The following PTPRD variants were observed in gnomAD, a reference collection of about 807,000 sequenced individuals.
PTPRD encodes protein tyrosine phosphatase receptor type D.
A neutral mutation model predicts 214.5 loss-of-function variants in PTPRD; 34 were observed. The ratio of observed to expected loss-of-function variants is 0.16; its 90% CI spans 0.12 to 0.21. The LOEUF is 0.21. Among genes scored for constraint, PTPRD ranks in the 10% least tolerant of loss-of-function variants. The probability of loss-of-function intolerance (pLI) is 1.00; values close to 1 mark genes in which losing one functional copy is unlikely to be tolerated. For synonymous variants in PTPRD, 1,128 were observed against 845.7 expected (o/e 1.33, Z -5.79); for missense variants, 2,545 against 2,398.7 (o/e 1.06, Z -1.27).
chr9:10,175,337 C>T (rs911961815), intron 3 of PTPRD, among the ~76,000 whole-genome samples: 1 of 152,002 alleles, frequency 6.6e-6, no homozygotes, highest in African/African-American at 2.4e-5. Context: ...ATCTGGCTTA[C>T]CCATGGTTCT....
At chr9:10,428,009 A>G (rs949147778) in intron 2 of PTPRD, among the ~76,000 whole-genome samples, 51 of 152,092 alleles carry the variant, frequency 3.4e-4, no homozygotes, top group Admixed American at 3.3e-3. Context: ...AATAAATACA[A>G]TTTAAACCTC....
chr9:10,329,459 T>C (rs2096709385), intron 3 of PTPRD, among the ~76,000 whole-genome samples: 1 of 151,866 alleles, frequency 6.6e-6, no homozygotes, highest in Non-Finnish European at 1.5e-5. Flanking sequence ...TGTCATGTCA[T>C]TGGATAGCAT....
chr9:8,541,516 C>T (rs2078409382), intron 14 of PTPRD, among the ~76,000 whole-genome samples: 1 of 152,156 alleles, frequency 6.6e-6, no homozygotes, highest in African/African-American at 2.4e-5. Context: ...AAGCACATAC[C>T]ACCATACCCG....
chr9:10,313,913 C>T (rs1234767133), intron 3 of PTPRD, among the ~76,000 whole-genome samples: 2 of 151,764 alleles, frequency 1.3e-5, no homozygotes, highest in African/African-American at 2.4e-5. Flanking sequence ...GGAAAAGTCT[C>T]ACGGTTCAGA....
At chr9:9,794,695 C>T (rs368514527) in intron 5 of PTPRD, among the ~76,000 whole-genome samples, 1 of 152,120 alleles carries the variant, frequency 6.6e-6, no homozygotes, top group East Asian at 1.9e-4. Flanking sequence ...ACTATGTTCT[C>T]AATTTTACAG....
At chr9:9,154,874 A>G (rs1569555408) in intron 10 of PTPRD, among the ~76,000 whole-genome samples, 1 of 152,092 alleles carries the variant, frequency 6.6e-6, no homozygotes, top group Non-Finnish European at 1.5e-5. Context: ...AGTAAAAAAT[A>G]TTATTAGGTA....
At chr9:8,334,378 A>C (rs1587921314) in intron 43 of PTPRD, among the ~76,000 whole-genome samples, 1 of 151,768 alleles carries the variant, frequency 6.6e-6, no homozygotes, top group Non-Finnish European at 1.5e-5. Context: ...CAAGATTAAA[A>C]AAAAAACCAC....
rs2041035551 is a variant in PTPRD at position 9,328,617 on chromosome 9, GCTTTTTTTTTTTTTTT to G, written c.-203+68816_-203+68831del. Among the ~76,000 whole-genome samples, 2 of 33,928 alleles carry G rather than the reference GCTTTTTTTTTTTTTTT, an allele frequency of 5.9e-5. 1 individual carries two copies. Among genetic ancestry groups the G allele is most frequent in the African/African-American group, 2.0e-4 (2 of 10,034 alleles). The allele number at this position is 33,928 out of a possible 152,430, so 22.3% of individuals were successfully genotyped here. A position where few individuals can be genotyped will look rare whatever the true frequency, so the allele number is the denominator to read the frequency against. On this transcript the variant is annotated intron_variant, in intron 9 of 45. Coordinates refer to ENST00000381196, the MANE Select transcript of PTPRD (RefSeq NM_002839.4). The stretch of plus-strand genomic sequence containing the variant: ...CACATTTTCTTTTGTTGTTGTTCTT[GCTTTTTTTTTTTTTTT>G]TTTTTTTTTTTTTTTTTTTTTTGAG...
At chr9:8,833,120 G>A (rs1446848872) in intron 11 of PTPRD, among the ~76,000 whole-genome samples, 1 of 152,126 alleles carries the variant, frequency 6.6e-6, no homozygotes, top group Non-Finnish European at 1.5e-5. Context: ...CAGCAACAGT[G>A]CTTACAGAGA....
intron 11 of PTPRD, among the ~76,000 whole-genome samples, chr9:8,970,728 TA>T (rs1156917567): frequency 5.9e-5 from 9 of 151,826 alleles, no homozygotes; most frequent in Non-Finnish European, 2.9e-5. Context: ...AAAACCAACC[TA>T]ACAAACAGAA....
intron 5 of PTPRD, among the ~76,000 whole-genome samples, chr9:9,921,046 G>A: frequency 6.6e-6 from 1 of 152,004 alleles, no homozygotes; most frequent in East Asian, 1.9e-4. Context: ...TTTAGCTCCT[G>A]GCAAAGGACA....
chr9:9,517,520 T>G lies in PTPRD; in HGVS notation c.-237+57212A>C, dbSNP rs1242321050. 2.0e-5 allele frequency among the ~76,000 whole-genome samples: 3 copies of G among 152,046 alleles called. No homozygotes were observed. In the East Asian group the frequency reaches 5.8e-4, roughly 29 times the overall value. On this transcript the variant is annotated intron_variant, in intron 8 of 45. Coordinates refer to ENST00000381196, the MANE Select transcript of PTPRD (RefSeq NM_002839.4). ...CCTCCAGCTTTCTTATCCTCTGCAC[T>G]AATAAATAAACAGTTAATGTTTCTT...
At chr9:9,106,662 G>A (rs1175997907) in intron 10 of PTPRD, among the ~76,000 whole-genome samples, 1 of 141,938 alleles carries the variant, frequency 7.0e-6, no homozygotes, top group Non-Finnish European at 1.5e-5. Context: ...TCCTACCTAA[G>A]TTTAATAGGT....
chr9:9,543,092 A>G (rs1218824225), intron 8 of PTPRD, among the ~76,000 whole-genome samples: 2 of 151,740 alleles, frequency 1.3e-5, no homozygotes, highest in African/African-American at 2.4e-5. Context: ...AAATTGTGGT[A>G]TATTCATACA....
chr9:9,368,748 A>G lies in PTPRD; in HGVS notation c.-203+28701T>C, dbSNP rs367990009. ...GTATTACAAACAAATGCTGCAATGG[A>G]TATCTTTTTTTAAATTTTATTATTA... On this transcript the variant is annotated intron_variant, in intron 9 of 45. Transcript: ENST00000381196. Among the ~76,000 whole-genome samples, 167 of 151,868 alleles carry G rather than the reference A, an allele frequency of 1.1e-3. 3 individuals are homozygous for G. In the South Asian group the frequency reaches 0.033, roughly 30 times the overall value.
chr9:8,694,461 A>G (rs2097866256), intron 12 of PTPRD, among the ~76,000 whole-genome samples: 1 of 152,214 alleles, frequency 6.6e-6, no homozygotes. Context: ...GTCCCACTGA[A>G]ATAGAAATGT....
intron 3 of PTPRD, among the ~76,000 whole-genome samples, chr9:10,236,440 A>G (rs2498604): frequency 0.99 from 150,487 of 151,950 alleles, 74,532 homozygotes; most frequent in Middle Eastern, 1. Flanking sequence ...ACTTCTTTCC[A>G]TCAATTCCAT....
At chr9:9,893,503 T>C (rs560276525) in intron 5 of PTPRD, among the ~76,000 whole-genome samples, 4 of 152,234 alleles carry the variant, frequency 2.6e-5, no homozygotes, top group African/African-American at 9.6e-5. Context: ...ATGAAATATG[T>C]CAAACTCCTA....
intron 11 of PTPRD, among the ~76,000 whole-genome samples, chr9:8,846,498 C>A (rs2097699431): frequency 6.6e-6 from 1 of 152,076 alleles, no homozygotes; most frequent in African/African-American, 2.4e-5. Flanking sequence ...ATTCGGTATT[C>A]TTTTAGTGCC....
Sources: allele counts gnomAD v4.1 joint callset (sites outside exome capture counted in the v4.1 genomes callset), GRCh38; gene constraint gnomAD v4.1.1; transcripts MANE v1.5; gene names NCBI Gene and HGNC (gene_info 2026-07-23, HGNC 2026-07-21).